Variants in PDS5A observed in about 807,000 individuals in gnomAD.
PDS5A encodes sister chromatid cohesion protein PDS5 homolog A.
PDS5A carries 42 observed loss-of-function variants against 167.1 expected under a neutral mutation model. The observed-to-expected ratio is 0.25, with a 90% CI of 0.20 to 0.33. The LOEUF is 0.33. Ranked by LOEUF, PDS5A falls within the 10% of genes least tolerant of loss-of-function variation. The pLI is 1.00. For missense variants in PDS5A, 1,033 were observed against 1,605.9 expected, an observed-to-expected ratio of 0.64 and a Z score of 6.10; for synonymous variants, 553 against 554.6, an observed-to-expected ratio of 1.00 and a Z score of 0.04.
At chr4:39,974,282 C>A (rs1379587169) in intron 2 of PDS5A, 3 of 539,232 alleles carry the variant, frequency 5.6e-6, no homozygotes, top group East Asian at 5.2e-5. Context: ...TACTATGAGA[C>A]CAGCTTCTTC....
In PDS5A at chr4:39,902,474, A is replaced by G; in HGVS notation, c.1386-14T>C. The G allele has an allele frequency of 7.6e-7, 1 of 1,310,844 alleles. No individual in the cohort carries two copies. The highest frequency in any genetic ancestry group is 1.1e-6 in the Non-Finnish European group (1 of 935,106). 81.2% of individuals were successfully genotyped at this position (1,310,844 alleles called of 1,614,324 possible). ...TCTACCAACAGTCTAGGAAATAACA[A>G]CAACAAAAAAAACCTAAGTGACACA... On this transcript the variant is annotated splice_polypyrimidine_tract_variant and intron_variant, in intron 12 of 32. Transcript: ENST00000303538.
At chr4:39,921,506 C>T (rs1209216524) in intron 6 of PDS5A, among the ~76,000 whole-genome samples, 4 of 149,428 alleles carry the variant, frequency 2.7e-5, no homozygotes, top group South Asian at 2.1e-4. Flanking sequence ...GAGGCTAAAA[C>T]GGGCAGATCG....
In PDS5A at chr4:39,862,872, T is replaced by C; in HGVS notation, c.2968A>G (p.Thr990Ala). Residue 990 changes from threonine (T) to alanine (A), a missense_variant, in exon 25 of 33, where the codon ACT (threonine) becomes GCT (alanine). Physicochemically the swap from Thr to Ala is moderately conservative, Grantham distance 58 (BLOSUM62 0). Around this residue, in one of 4 missense-constraint regions of PDS5A, gnomAD observed 367 missense variants for 686.7 expected, o/e 0.53. Coordinates refer to ENST00000303538, the MANE Select transcript of PDS5A (RefSeq NM_001100399.2). ...CGGAGAACTCTGAGTTACTTACCAG[T>C]AGCCATAGGATTCTGCTTAATGTAT... is the stretch of plus-strand genomic sequence containing the variant. ...REYIKQNPMATEKLLSLLPEY... is the reference protein window; with the variant it reads ...REYIKQNPMAAEKLLSLLPEY... The C allele has an allele frequency of 6.3e-7, 1 of 1,593,086 alleles. No individual in the cohort carries two copies. Among genetic ancestry groups the C allele is most frequent in the Non-Finnish European group, 8.6e-7 (1 of 1,166,690 alleles).
In PDS5A at chr4:39,862,870, A is replaced by C; in HGVS notation, c.2970T>G (p.Thr990=). The change falls in exon 25 of 33, where the codon ACT becomes ACG. Residue 990 remains threonine, a splice_region_variant and synonymous_variant. Coordinates refer to ENST00000303538, the MANE Select transcript of PDS5A (RefSeq NM_001100399.2). ...CACGGAGAACTCTGAGTTACTTACC[A>C]GTAGCCATAGGATTCTGCTTAATGT... The part of the protein sequence containing the change: ...REYIKQNPMA[T]EKLLSLLPEY... The C allele has an allele frequency of 6.3e-7, 1 of 1,590,412 alleles. No homozygotes were observed.
chr4:39,963,100 C>G (rs1183505696), intron 2 of PDS5A, among the ~76,000 whole-genome samples: 3 of 152,008 alleles, frequency 2.0e-5, no homozygotes, highest in African/African-American at 7.2e-5. Context: ...AGGTGGATCA[C>G]TGGAAGTCAG....
At chr4:39,936,486 G>A (rs150267775) in intron 2 of PDS5A, among the ~76,000 whole-genome samples, 1 of 152,152 alleles carries the variant, frequency 6.6e-6, no homozygotes, top group Non-Finnish European at 1.5e-5. Context: ...CCAGGCTGGA[G>A]TGCAGTGGCA....
chr4:39,833,589 C>T lies in PDS5A; in HGVS notation c.4010+4267G>A, dbSNP rs1716124954. On this transcript the variant is annotated intron_variant, in intron 32 of 32. Coordinates refer to ENST00000303538, the MANE Select transcript of PDS5A (RefSeq NM_001100399.2). ...TTTTTTTGTAGATATGGGGTTTTGC[C>T]ATATCGCCCAGGCTGGTCTTAAACT... Among the ~76,000 whole-genome samples the T allele has an allele frequency of 3.3e-5, 5 of 151,958 alleles. No individual in the cohort carries two copies. In the South Asian group the frequency reaches 1.0e-3, roughly 32 times the overall value.
At chr4:39,970,071 C>T (rs1436241423) in intron 2 of PDS5A, among the ~76,000 whole-genome samples, 6 of 151,420 alleles carry the variant, frequency 4.0e-5, no homozygotes, top group South Asian at 4.2e-4. Flanking sequence ...AGACTGGTCT[C>T]GAACTCTTGA....
chr4:39,943,810 A>G (rs1727472510), intron 2 of PDS5A, among the ~76,000 whole-genome samples: 1 of 151,550 alleles, frequency 6.6e-6, no homozygotes, highest in Non-Finnish European at 1.5e-5. Flanking sequence ...TATCAAAAAC[A>G]AACAAACAAC....
At chr4:39,970,508 C>G (rs1376077719) in intron 2 of PDS5A, among the ~76,000 whole-genome samples, 1 of 150,660 alleles carries the variant, frequency 6.6e-6, no homozygotes, top group African/African-American at 2.4e-5. Flanking sequence ...ATTCTCTTCA[C>G]ATTTCACTGT....
At chr4:39,856,376 T>C (rs995064596) in intron 26 of PDS5A, among the ~76,000 whole-genome samples, 1 of 152,190 alleles carries the variant, frequency 6.6e-6, no homozygotes, top group Non-Finnish European at 1.5e-5. Flanking sequence ...AGTGAGTCCA[T>C]CAGGCTGAAA....
rs141183753 is a variant in PDS5A, at chr4:39,885,293, GGAGAAGAGAA to G, written c.1886+4946_1886+4955del. On this transcript the variant is annotated intron_variant, in intron 17 of 32. Coordinates refer to ENST00000303538, the MANE Select transcript of PDS5A (RefSeq NM_001100399.2). ...AAGGAAAAGAAAAAGACAAAAGAAA[GGAGAAGAGAA>G]GAGAAGAGAAAAAAAACTTCGGCAT... 9.8e-3 allele frequency among the ~76,000 whole-genome samples: 1,443 copies of G among 146,610 alleles called. 49 individuals carry two copies. Among genetic ancestry groups the G allele is most frequent in the Non-Finnish European group, 9.0e-3 (600 of 66,676 alleles).
chr4:39,890,807 G>C (rs530185940), intron 16 of PDS5A, among the ~76,000 whole-genome samples: 1 of 151,944 alleles, frequency 6.6e-6, no homozygotes, highest in South Asian at 2.1e-4. Flanking sequence ...TGTAGAGACG[G>C]GGCTTCACCA....
chr4:39,954,670 T>TAAATAAAAAAAAAAAA (rs1553908181), intron 2 of PDS5A, among the ~76,000 whole-genome samples: 1 of 48,272 alleles, frequency 2.1e-5, no homozygotes, highest in Non-Finnish European at 4.1e-5. Flanking sequence ...AAGAGATAAG[T>TAAATAAAAAAAAAAAA]AAAAAAAAAA....
intron 2 of PDS5A, 135 bp downstream of exon 2, chr4:39,976,305 G>T: frequency 1.7e-6 from 1 of 591,350 alleles, no homozygotes; most frequent in Non-Finnish European, 2.9e-6. Context: ...TGTTATCTGA[G>T]ATACAACAGT....
At chr4:39,909,407 G>C (rs534479183) in intron 10 of PDS5A, among the ~76,000 whole-genome samples, 1 of 152,208 alleles carries the variant, frequency 6.6e-6, no homozygotes, top group East Asian at 1.9e-4. Flanking sequence ...TTACACGCGT[G>C]AGCCACCATG....
chr4:39,916,593 C>T (rs926682105), intron 8 of PDS5A, among the ~76,000 whole-genome samples: 3 of 151,996 alleles, frequency 2.0e-5, no homozygotes, highest in Non-Finnish European at 2.9e-5. Context: ...TGTGGCCAGG[C>T]GTGGTGGCTC....
In PDS5A at chr4:39,845,842, T is replaced by C. The variant is rs1717541205; in HGVS notation, c.3378A>G (p.Thr1126=). 7.1e-7 allele frequency: 1 copy of C among 1,403,414 alleles called. No homozygotes were observed. The allele number at this position is 1,403,414 out of a possible 1,614,324, so 86.9% of individuals were successfully genotyped here. A position where few individuals can be genotyped will look rare whatever the true frequency, so the allele number is the denominator to read the frequency against. ...CCTTTCCTGTTAACAGAAGTACTCT[T>C]GTCTCTTCTGAAATATAACTCTTAT... ...CNDKSYISEE[T]RVLLLTGKPK... The change falls in exon 29 of 33, where the codon ACA becomes ACG. Residue 1126 remains threonine, a synonymous_variant. Coordinates refer to ENST00000303538, the MANE Select transcript of PDS5A (RefSeq NM_001100399.2).
chr4:39,848,610 A>T (rs144488665), intron 28 of PDS5A: 2 of 418,150 alleles, frequency 4.8e-6, no homozygotes, highest in Non-Finnish European at 8.5e-6. Context: ...TAATTTTAAA[A>T]ATCTGAAAAC....
Sources: gnomAD v4.1 joint callset for allele counts (sites outside exome capture counted in the v4.1 genomes callset) on GRCh38, gnomAD v4.1.1 for gene constraint, gnomAD v4.1.1 regional missense constraint, MANE v1.5 for transcripts, NCBI Gene and HGNC (gene_info 2026-07-23, HGNC 2026-07-21) for gene names.